Variants in NEGR1 observed in about 807,000 individuals in gnomAD.
NEGR1 encodes IgLON family member 4.
Under a neutral mutation model 40.9 loss-of-function variants are expected in NEGR1, and 10 were observed. That is an observed-to-expected ratio of 0.24 (90% CI 0.15 to 0.42). The LOEUF (loss-of-function observed/expected upper bound fraction) is 0.42, where lower values mean the gene tolerates loss of function less well. Among genes scored for constraint, NEGR1 ranks in the 10% least tolerant of loss-of-function variants. The pLI, the probability that NEGR1 is intolerant of heterozygous loss-of-function variation, is 1.00. For synonymous variants in NEGR1, 185 were observed against 166.8 expected, an observed-to-expected ratio of 1.11 and a Z score of -0.84; for missense variants, 352 against 438.9, an observed-to-expected ratio of 0.80 and a Z score of 1.77.
intron 3 of NEGR1, among the ~76,000 whole-genome samples, chr1:71,717,987 T>C (rs973530915): frequency 5.3e-5 from 8 of 152,204 alleles, no homozygotes; most frequent in Non-Finnish European, 8.8e-5. Context: ...CTCAGACTTA[T>C]AGCCTCCAGA....
chr1:72,115,213 T>TATATA, intron 1 of NEGR1, among the ~76,000 whole-genome samples: 1 of 151,058 alleles, frequency 6.6e-6, no homozygotes, highest in Non-Finnish European at 1.5e-5. Context: ...ATATATATAT[T>TATATA]TTTTCATTTA....
intron 1 of NEGR1, among the ~76,000 whole-genome samples, chr1:72,079,640 T>A (rs552781772): frequency 6.6e-6 from 1 of 152,220 alleles, no homozygotes; most frequent in East Asian, 1.9e-4. Context: ...CATTTCTGAA[T>A]TATTTTTAAA....
chr1:71,631,622 T>A (rs1378604472), intron 4 of NEGR1, among the ~76,000 whole-genome samples: 1 of 151,834 alleles, frequency 6.6e-6, no homozygotes, highest in Non-Finnish European at 1.5e-5. Flanking sequence ...ACATATTTAT[T>A]GGTAATTAGA....
intron 4 of NEGR1, among the ~76,000 whole-genome samples, chr1:71,628,095 A>G (rs894986856): frequency 6.6e-6 from 1 of 152,052 alleles, no homozygotes; most frequent in Non-Finnish European, 1.5e-5. Context: ...ATTGAAAATT[A>G]CTTTCTATTT....
intron 6 of NEGR1, among the ~76,000 whole-genome samples, chr1:71,522,666 G>C (rs1647167392): frequency 6.6e-6 from 1 of 150,976 alleles, no homozygotes; most frequent in Non-Finnish European, 1.5e-5. Context: ...TAGTCAGCTT[G>C]CCCTCATGAA....
intron 6 of NEGR1, among the ~76,000 whole-genome samples, chr1:71,458,817 G>C (rs543606933): frequency 5.8e-4 from 89 of 152,186 alleles, no homozygotes; most frequent in African/African-American, 2.1e-3. Flanking sequence ...CACAGCACTT[G>C]GTCATTTGTT....
intron 1 of NEGR1, among the ~76,000 whole-genome samples, chr1:71,943,631 A>C (rs1167408123): frequency 1.3e-5 from 2 of 152,130 alleles, no homozygotes; most frequent in African/African-American, 4.8e-5. Context: ...AGCATTTATG[A>C]AGTAAAATAA....
chr1:72,033,778 G>C (rs1249096908), intron 1 of NEGR1, among the ~76,000 whole-genome samples: 1 of 151,998 alleles, frequency 6.6e-6, no homozygotes, highest in African/African-American at 2.4e-5. Context: ...GGATCTACAT[G>C]ATTTCCTTTG....
chr1:72,062,686 TAG>T (rs1647197748), intron 1 of NEGR1, among the ~76,000 whole-genome samples: 1 of 151,932 alleles, frequency 6.6e-6, no homozygotes, highest in African/African-American at 2.4e-5. Context: ...TGCTTGCATA[TAG>T]CTTTCTAATC....
intron 3 of NEGR1, among the ~76,000 whole-genome samples, chr1:71,707,333 T>G (rs937128877): frequency 1.1e-4 from 16 of 152,044 alleles, no homozygotes; most frequent in Non-Finnish European, 2.1e-4. Flanking sequence ...ATACTTTAGG[T>G]CTTAAGGGGA....
chr1:71,488,573 AC>A, intron 6 of NEGR1, among the ~76,000 whole-genome samples: 1 of 151,704 alleles, frequency 6.6e-6, no homozygotes, highest in East Asian at 1.9e-4. Context: ...CAGTGCAATA[AC>A]TTTCTACCCA....
chr1:71,575,013 T>C (rs1648919562), intron 6 of NEGR1, among the ~76,000 whole-genome samples: 1 of 152,182 alleles, frequency 6.6e-6, no homozygotes. Context: ...ACTAAATCTG[T>C]AATGTGATAA....
At chr1:71,458,704 T>A (rs1646692873) in intron 6 of NEGR1, among the ~76,000 whole-genome samples, 1 of 152,222 alleles carries the variant, frequency 6.6e-6, no homozygotes, top group African/African-American at 2.4e-5. Flanking sequence ...GATGAATGAC[T>A]GAATTAAGGA....
intron 6 of NEGR1, chr1:71,407,823 T>A: frequency 2.5e-6 from 1 of 400,324 alleles, no homozygotes. Context: ...GTGGTGAGAA[T>A]TGGAGATGAA....
At position 71,814,276 on chromosome 1, in the gene NEGR1, G is replaced by C. The variant is rs1007047293; in HGVS notation, c.410-37979C>G. Among the ~76,000 whole-genome samples, 4 of 152,188 alleles carry C rather than the reference G, an allele frequency of 2.6e-5. No homozygotes were observed. In the South Asian group the frequency reaches 8.3e-4, roughly 32 times the overall value. ...GGGATGAAGCCGACTTTATCACGGTGAATACGCTTTTTGATGTGCTGCTGG... is the reference window on the plus strand; with the variant it reads ...GGGATGAAGCCGACTTTATCACGGTCAATACGCTTTTTGATGTGCTGCTGG... On this transcript the variant is annotated intron_variant, in intron 2 of 6. Transcript: ENST00000357731.
At position 71,675,126 on chromosome 1, in the gene NEGR1, T is replaced by TATATATATATACAC. The variant is rs145354058; in HGVS notation, c.667+22881_667+22882insGTGTATATATATAT. On this transcript the variant is annotated intron_variant, in intron 4 of 6. Transcript: ENST00000357731. ...GCATGTTTATTCATATATATATATA[T>TATATATATATACAC]ACACACACACATATGAATTCTTAGA... is the stretch of plus-strand genomic sequence containing the variant. Among the ~76,000 whole-genome samples, 57 of 77,754 alleles carry TATATATATATACAC rather than the reference T, an allele frequency of 7.3e-4. 5 individuals are homozygous for TATATATATATACAC. The highest frequency in any genetic ancestry group is 1.4e-3 in the Admixed American group (9 of 6,382). The allele number at this position is 77,754 out of a possible 152,430, so 51.0% of individuals were successfully genotyped here.
chr1:72,137,271 A>T (rs1650502625), intron 1 of NEGR1, among the ~76,000 whole-genome samples: 1 of 152,194 alleles, frequency 6.6e-6, no homozygotes, highest in Non-Finnish European at 1.5e-5. Context: ...ATTATAAATC[A>T]TTCCACTGTA....
At chr1:71,832,012 C>G (rs1016701223) in intron 2 of NEGR1, among the ~76,000 whole-genome samples, 2 of 151,780 alleles carry the variant, frequency 1.3e-5, no homozygotes, top group Middle Eastern at 3.4e-3. Context: ...GAACACTGGA[C>G]TGATGTAAGT....
At chr1:72,205,884 A>G (rs1385990747) in intron 1 of NEGR1, among the ~76,000 whole-genome samples, 1 of 150,892 alleles carries the variant, frequency 6.6e-6, no homozygotes, top group African/African-American at 2.4e-5. Flanking sequence ...TCGAGGCTGC[A>G]ATGAGCCAAG....
Sources: allele counts gnomAD v4.1 joint callset (sites outside exome capture counted in the v4.1 genomes callset), GRCh38; gene constraint gnomAD v4.1.1; transcripts MANE v1.5; gene names NCBI Gene and HGNC (gene_info 2026-07-23, HGNC 2026-07-21).